The following SAMD12 variants were observed in gnomAD, a reference collection of about 807,000 sequenced individuals.
SAMD12 encodes the protein sterile alpha motif domain containing 12, also known as sterile alpha motif domain-containing protein 12.
In SAMD12, 9 loss-of-function variants were observed where a neutral mutation model predicts 15.0. That is an observed-to-expected ratio of 0.60 (90% CI 0.36 to 1.05). The LOEUF is 1.05. SAMD12 is among the 50% of genes least tolerant of loss of function. SAMD12 has a pLI of 0.01. For synonymous variants in SAMD12, 86 were observed against 90.1 expected (o/e 0.96, Z 0.25); for missense variants, 230 against 234.2 (o/e 0.98, Z 0.12).
chr8:118,430,354 T>C (rs973782805), intron 3 of SAMD12, among the ~76,000 whole-genome samples: 4 of 148,922 alleles, frequency 2.7e-5, no homozygotes, highest in African/African-American at 9.8e-5. Flanking sequence ...TGTAACCCTG[T>C]ATCATTCTGT....
Position 118,440,699 on chromosome 8 carries a change from C to CACAA in SAMD12, c.193-739_193-738insTTGT, listed in dbSNP as rs1554664020. On this transcript the variant is annotated intron_variant, in intron 2 of 3. Coordinates refer to ENST00000314727, the MANE Select transcript of SAMD12 (RefSeq NM_207506.3). ...ACACACACACACACACACACACAAA[C>CACAA]ACACACACACACACACATATAAAAA... Among the ~76,000 whole-genome samples, 5 of 131,110 alleles carry CACAA rather than the reference C, an allele frequency of 3.8e-5. No individual in the cohort carries two copies. The South Asian group carries it at 7.0e-4, about 18-fold the overall frequency. 86.0% of individuals were successfully genotyped at this position (131,110 alleles called of 152,430 possible). A position where few individuals can be genotyped will look rare whatever the true frequency, so the allele number is the denominator to read the frequency against.
intron 4 of SAMD12, among the ~76,000 whole-genome samples, chr8:118,248,269 C>T (rs1812741145): frequency 6.6e-6 from 1 of 152,104 alleles, no homozygotes; most frequent in African/African-American, 2.4e-5. Context: ...CTTCTGTTCC[C>T]AATATAGGGA....
chr8:118,327,273 T>G (rs1816611232), intron 4 of SAMD12, among the ~76,000 whole-genome samples: 1 of 152,228 alleles, frequency 6.6e-6, no homozygotes, highest in South Asian at 2.1e-4. Flanking sequence ...TTCTTGCTTC[T>G]GAAAATCCAG....
the SAMD12 span, among the ~76,000 whole-genome samples, chr8:118,169,738 TA>T: frequency 6.6e-6 from 1 of 151,960 alleles, no homozygotes; most frequent in African/African-American, 2.4e-5. Context: ...AATTGAAAAA[TA>T]AAAAAGATGA....
chr8:118,185,834 A>G (rs754966492), downstream of SAMD12, among the ~76,000 whole-genome samples: 1 of 152,186 alleles, frequency 6.6e-6, no homozygotes, highest in Non-Finnish European at 1.5e-5. Context: ...CATTAATAGA[A>G]AGTGGCAGGT....
chr8:118,133,547 A>C, the SAMD12 span, among the ~76,000 whole-genome samples: 1 of 152,168 alleles, frequency 6.6e-6, no homozygotes, highest in Non-Finnish European at 1.5e-5. Context: ...CACTCTCTTC[A>C]TATATGTTTT....
intron 4 of SAMD12, among the ~76,000 whole-genome samples, chr8:118,226,375 G>A (rs192370481): frequency 1.9e-4 from 29 of 152,290 alleles, no homozygotes; most frequent in African/African-American, 6.3e-4. Flanking sequence ...ATTTCTAGCA[G>A]AACATGGATA....
At chr8:118,134,849 C>T in the SAMD12 span, among the ~76,000 whole-genome samples, 1 of 152,206 alleles carries the variant, frequency 6.6e-6, no homozygotes, top group African/African-American at 2.4e-5. Context: ...CACTCCCTCA[C>T]TCATTGTCAC....
At chr8:118,500,476 C>T (rs1824753235) in intron 2 of SAMD12, among the ~76,000 whole-genome samples, 1 of 150,990 alleles carries the variant, frequency 6.6e-6, no homozygotes, top group Non-Finnish European at 1.5e-5. Context: ...ACATGGGTTC[C>T]TTTCTGTGAA....
At chr8:118,387,106 C>G (rs1563817694) in intron 3 of SAMD12, among the ~76,000 whole-genome samples, 1 of 152,206 alleles carries the variant, frequency 6.6e-6, no homozygotes. Context: ...TGGTCCAGAG[C>G]AGCAGGCATG....
rs1270641554 is a variant in SAMD12 at position 118,310,869 on chromosome 8, T to C, written c.433+68691A>G. Reference sequence around the variant, plus strand: ...TCACCTGAGCCCTAACTAATATTCCTACCAGATAGATAGTTTGTTGAGGGC... The same window carrying C: ...TCACCTGAGCCCTAACTAATATTCCCACCAGATAGATAGTTTGTTGAGGGC... On this transcript the variant is annotated intron_variant, in intron 4 of 4. Coordinates refer to the SAMD12 transcript ENST00000409003. Among the ~76,000 whole-genome samples, 4 of 152,226 alleles carry C rather than the reference T, an allele frequency of 2.6e-5. No individual in the cohort carries two copies. In the East Asian group the frequency reaches 7.7e-4, roughly 29 times the overall value.
chr8:118,440,064 T>G, intron 2 of SAMD12, 103 bp from the exon 3 acceptor site: 2 of 1,112,780 alleles, frequency 1.8e-6, no homozygotes, highest in Non-Finnish European at 2.6e-6. Flanking sequence ...CTGGATTCCC[T>G]GAAGATAAAT....
downstream of SAMD12, chr8:118,377,885 G>C (rs1819467564): frequency 1.3e-5 from 2 of 152,066 alleles, no homozygotes; most frequent in South Asian, 4.1e-4. Flanking sequence ...TGTGGTTGAA[G>C]CTTAAAAAAA....
chr8:118,618,701 G>A (rs1828310887), intron 1 of SAMD12, among the ~76,000 whole-genome samples: 2 of 152,008 alleles, frequency 1.3e-5, no homozygotes, highest in Admixed American at 6.6e-5. Context: ...TCAGCCGGGC[G>A]TGGTAGCAGG....
chr8:118,489,152 T>C (rs368856830), intron 2 of SAMD12, among the ~76,000 whole-genome samples: 22 of 152,176 alleles, frequency 1.4e-4, no homozygotes, highest in African/African-American at 5.1e-4. Flanking sequence ...TTTTGTGAAG[T>C]GCCTGTTCAA....
At chr8:118,233,833 T>C (rs1309007372) in intron 4 of SAMD12, among the ~76,000 whole-genome samples, 1 of 152,166 alleles carries the variant, frequency 6.6e-6, no homozygotes, top group African/African-American at 2.4e-5. Flanking sequence ...ATCATGTAGA[T>C]TTTTGAAATG....
At chr8:118,197,683 G>C (rs770632895) in exon 5 of SAMD12, 7 of 1,604,776 alleles carry the variant, frequency 4.4e-6, no homozygotes, top group Non-Finnish European at 4.3e-6. Flanking sequence ...CAACTGGCAG[G>C]ACAGCAGCTT....
intron 2 of SAMD12, among the ~76,000 whole-genome samples, chr8:118,531,360 C>T (rs7832095): frequency 0.37 from 55,478 of 151,946 alleles, 10,665 homozygotes; most frequent in Admixed American, 0.44. Context: ...AGTCAGGTAG[C>T]GTGATGCCTC....
chr8:118,224,760 T>G (rs1586360625), intron 4 of SAMD12, among the ~76,000 whole-genome samples: 2 of 152,222 alleles, frequency 1.3e-5, no homozygotes, highest in Non-Finnish European at 2.9e-5. Context: ...AATTGCCTCC[T>G]TGGGATATTG....
Sources: gnomAD v4.1 joint callset for allele counts (sites outside exome capture counted in the v4.1 genomes callset) on GRCh38, gnomAD v4.1.1 for gene constraint, MANE v1.5 for transcripts, NCBI Gene and HGNC (gene_info 2026-07-23, HGNC 2026-07-21) for gene names.